Variants in ABCC4 observed in about 807,000 individuals in gnomAD.
ABCC4 encodes the protein ATP binding cassette subfamily C member 4 (PEL blood group).
A neutral mutation model predicts 168.5 loss-of-function variants in ABCC4; 102 were observed. The observed-to-expected ratio is 0.61, with a 90% CI of 0.52 to 0.71. The LOEUF is 0.71. Ranked by LOEUF, ABCC4 falls within the 30% of genes least tolerant of loss-of-function variation. ABCC4 has a pLI of 0.00. For missense variants in ABCC4, 1,402 were observed against 1,605.8 expected (o/e 0.87, Z 2.17); for synonymous variants, 617 against 590.7 (o/e 1.04, Z -0.65).
intron 1 of ABCC4, among the ~76,000 whole-genome samples, chr13:95,285,473 C>T (rs2041236083): frequency 6.6e-6 from 1 of 151,904 alleles, no homozygotes; most frequent in South Asian, 2.1e-4. Flanking sequence ...TCACTTGAAC[C>T]CAGGAGGCAG....
chr13:95,102,575 C>T (rs1468902062), intron 20 of ABCC4, among the ~76,000 whole-genome samples: 1 of 151,990 alleles, frequency 6.6e-6, no homozygotes, highest in Non-Finnish European at 1.5e-5. Flanking sequence ...TGGACCACCA[C>T]ACCTGGCCCC....
chr13:95,228,926 A>C (rs2039544017), intron 4 of ABCC4, among the ~76,000 whole-genome samples: 1 of 152,164 alleles, frequency 6.6e-6, no homozygotes, highest in Non-Finnish European at 1.5e-5. Context: ...GGTCAAGAGG[A>C]GAGGGTTCTC....
chr13:95,273,629 C>A (rs2040896604), intron 1 of ABCC4, among the ~76,000 whole-genome samples: 1 of 146,852 alleles, frequency 6.8e-6, no homozygotes, highest in South Asian at 2.1e-4. Context: ...CCTGCTGGCT[C>A]CAGGTTTACA....
At chr13:95,223,854 G>A (rs1305418251) in intron 4 of ABCC4, among the ~76,000 whole-genome samples, 1 of 152,072 alleles carries the variant, frequency 6.6e-6, no homozygotes, top group African/African-American at 2.4e-5. Flanking sequence ...ATACTGAAAT[G>A]AGAAATAAAG....
At chr13:95,034,323 T>C (rs74107829) in intron 30 of ABCC4, among the ~76,000 whole-genome samples, 4,046 of 152,316 alleles carry the variant, frequency 0.027, 172 homozygotes, top group African/African-American at 0.088. Context: ...AGAGTCTAAA[T>C]GTGTAAAAAG....
At chr13:95,125,041 C>T (rs1307308597) in intron 19 of ABCC4, among the ~76,000 whole-genome samples, 1 of 152,018 alleles carries the variant, frequency 6.6e-6, no homozygotes, top group Non-Finnish European at 1.5e-5. Context: ...TGCCAGAAAC[C>T]ACATACAGCA....
intron 4 of ABCC4, among the ~76,000 whole-genome samples, chr13:95,216,501 G>C (rs1318832226): frequency 6.7e-6 from 1 of 149,450 alleles, no homozygotes; most frequent in African/African-American, 2.5e-5. Flanking sequence ...ACACATCCCA[G>C]ACCCAAAATA....
chr13:95,062,925 T>G, intron 25 of ABCC4, 66 bp from the exon 26 acceptor site: 2 of 1,543,178 alleles, frequency 1.3e-6, no homozygotes, highest in Non-Finnish European at 8.7e-7. Flanking sequence ...GCAGCAAAAC[T>G]AGGAGAAAAC....
chr13:95,083,323 T>C, intron 20 of ABCC4, 33 bp from the exon 21 acceptor site: 1 of 1,607,070 alleles, frequency 6.2e-7, no homozygotes, highest in Non-Finnish European at 8.5e-7. Flanking sequence ...AGGTTTTCCT[T>C]ATCAAGTATT....
chr13:95,073,837 T>C (rs4148534), intron 23 of ABCC4, among the ~76,000 whole-genome samples: 36,087 of 152,118 alleles, frequency 0.24, 4,542 homozygotes, highest in African/African-American at 0.32. Context: ...TGAGAATTTT[T>C]CTCAACCTCA....
chr13:95,257,669 AAAAAG>A (rs1474488668), intron 1 of ABCC4, among the ~76,000 whole-genome samples: 1 of 152,036 alleles, frequency 6.6e-6, no homozygotes, highest in Non-Finnish European at 1.5e-5. Flanking sequence ...TCTCAAAAAA[AAAAAG>A]AAAGAAAAAG....
At position 95,166,238 on chromosome 13, in the gene ABCC4, G is replaced by A. The variant is rs369051784; in HGVS notation, c.1954C>T (p.Arg652Cys). 2.5e-6 allele frequency: 4 copies of A among 1,614,048 alleles called. No homozygotes were observed. The highest frequency in any genetic ancestry group is 3.4e-6 in the Non-Finnish European group (4 of 1,180,018). ...PVPGTPTLRNRTFSESSVWSQ... is the reference protein window; with the variant it reads ...PVPGTPTLRNCTFSESSVWSQ... ...CAAACCGAAGACTCTGAGAAGGTACGATTCCTTAGTGTGGGAGTTCCTGGA... is the reference window on the plus strand; with the variant it reads ...CAAACCGAAGACTCTGAGAAGGTACAATTCCTTAGTGTGGGAGTTCCTGGA... The change falls in exon 15 of 31, where the codon CGT becomes TGT. Residue 652 changes from arginine (R) to cysteine (C), a missense_variant. By Grantham distance (180) the Arg-to-Cys change is radical (BLOSUM62 -3). This residue lies in a region of ABCC4 where 1,007 missense variants were observed against 1,127.3 expected (regional missense o/e 0.89). Transcript: ENST00000645237.
At chr13:95,248,757 T>C (rs1168690796) in intron 1 of ABCC4, among the ~76,000 whole-genome samples, 1 of 152,042 alleles carries the variant, frequency 6.6e-6, no homozygotes, top group Non-Finnish European at 1.5e-5. Flanking sequence ...TAAAAACTTA[T>C]AAAGAAAAAG....
intron 1 of ABCC4, among the ~76,000 whole-genome samples, chr13:95,251,647 G>A (rs774131013): frequency 1.3e-5 from 2 of 152,172 alleles, no homozygotes; most frequent in Admixed American, 1.3e-4. Context: ...CTGGAATCAC[G>A]GGATCCAGGA....
intron 3 of ABCC4, among the ~76,000 whole-genome samples, chr13:95,244,669 G>GAAAGAAAGAAAT (rs780621852): frequency 1.8e-4 from 12 of 68,028 alleles, no homozygotes; most frequent in East Asian, 4.2e-4. Flanking sequence ...AAGAAAGAAA[G>GAAAGAAAGAAAT]AAATCATAGC....
intron 17 of ABCC4, among the ~76,000 whole-genome samples, 187 bp from the exon 18 acceptor site, chr13:95,163,403 T>C (rs1027047326): frequency 1.3e-5 from 2 of 152,178 alleles, no homozygotes. Flanking sequence ...TTCCCGAAAC[T>C]GTCTGTGAAC....
Position 95,269,196 on chromosome 13 carries a change from T to C in ABCC4, c.75-21443A>G, listed in dbSNP as rs949643489. 25 of 440,618 alleles carry C rather than the reference T, an allele frequency of 5.7e-5. No homozygotes were observed. In the East Asian group the frequency reaches 8.5e-4, roughly 15 times the overall value. The allele number at this position is 440,618 out of a possible 1,614,324, so 27.3% of individuals were successfully genotyped here. ...GAACCCAAGGGGGTCATGGGAAGCA[T>C]AGAATTTGTAGCTGGTTGACTAGAA... On this transcript the variant is annotated intron_variant, in intron 1 of 30. Coordinates refer to ENST00000645237, the MANE Select transcript of ABCC4 (RefSeq NM_005845.5).
intron 19 of ABCC4, among the ~76,000 whole-genome samples, chr13:95,156,675 C>T (rs1243912337): frequency 2.0e-5 from 3 of 151,994 alleles, no homozygotes; most frequent in East Asian, 1.9e-4. Flanking sequence ...AGGAGGTGTC[C>T]GAGGGCAGCT....
chr13:95,187,376 G>A (rs960628366), intron 10 of ABCC4, among the ~76,000 whole-genome samples: 2 of 151,994 alleles, frequency 1.3e-5, no homozygotes, highest in South Asian at 2.1e-4. Context: ...AGGCCGAGGC[G>A]GGTGGATGAC....
Sources: gnomAD v4.1 joint callset for allele counts (sites outside exome capture counted in the v4.1 genomes callset) on GRCh38, gnomAD v4.1.1 for gene constraint, gnomAD v4.1.1 regional missense constraint, MANE v1.5 for transcripts, NCBI Gene and HGNC (gene_info 2026-07-23, HGNC 2026-07-21) for gene names.